Variants in PLCB1 observed in about 807,000 individuals in gnomAD.
The protein encoded by PLCB1 is 1-phosphatidylinositol 4,5-bisphosphate phosphodiesterase beta-1.
A neutral mutation model predicts 161.8 loss-of-function variants in PLCB1; 46 were observed. That is an observed-to-expected ratio of 0.28 (90% CI 0.22 to 0.36). PLCB1 has a LOEUF of 0.36. Ranked by LOEUF, PLCB1 falls within the 10% of genes least tolerant of loss-of-function variation. The probability of loss-of-function intolerance (pLI) is 1.00; values close to 1 mark genes in which losing one functional copy is unlikely to be tolerated. For missense variants in PLCB1, 1,016 were observed against 1,472.5 expected, an observed-to-expected ratio of 0.69 and a Z score of 5.07; for synonymous variants, 517 against 503.7, an observed-to-expected ratio of 1.03 and a Z score of -0.35.
intron 7 of PLCB1, chr20:8,651,820 A>G (rs1051028573): frequency 1.1e-5 from 3 of 278,448 alleles, no homozygotes; most frequent in African/African-American, 6.5e-5. Context: ...CAATGCTCGC[A>G]AATCCCTGAG....
chr20:8,649,627 A>G, intron 7 of PLCB1, 178 bp downstream of exon 7: 3 of 575,520 alleles, frequency 5.2e-6, no homozygotes, highest in Non-Finnish European at 9.4e-6. Flanking sequence ...TGGTGGCTTT[A>G]TAAGAAGAGA....
chr20:8,438,470 G>T (rs970131303), intron 3 of PLCB1, among the ~76,000 whole-genome samples: 1 of 152,150 alleles, frequency 6.6e-6, no homozygotes, highest in Non-Finnish European at 1.5e-5. Flanking sequence ...GCAGACAAAG[G>T]TAAAGACAAG....
intron 25 of PLCB1, 134 bp downstream of exon 25, chr20:8,760,594 G>A: frequency 1.7e-6 from 1 of 595,778 alleles, no homozygotes; most frequent in Admixed American, 3.0e-5. Flanking sequence ...AAAATCTAGA[G>A]ACATACACTT....
intron 3 of PLCB1, among the ~76,000 whole-genome samples, chr20:8,519,328 C>A (rs1404522159): frequency 1.3e-5 from 2 of 151,802 alleles, no homozygotes; most frequent in Non-Finnish European, 2.9e-5. Flanking sequence ...AGCTGGGAGA[C>A]ATTTATGGGA....
rs527350013 is a variant in PLCB1 at position 8,497,554 on chromosome 20, C to T, written c.246+126104C>T. Among the ~76,000 whole-genome samples, 88 of 152,262 alleles carry T rather than the reference C, an allele frequency of 5.8e-4. 3 individuals are homozygous for T. The South Asian group carries it at 0.017, about 29-fold the overall frequency. On this transcript the variant is annotated intron_variant, in intron 3 of 31. Transcript: ENST00000338037. Reference sequence around the variant, plus strand: ...TTTAGTTTGTGAAGGCTGCTCATAACAGTTACAAGCTAATTAATTATAAAA... The same window carrying T: ...TTTAGTTTGTGAAGGCTGCTCATAATAGTTACAAGCTAATTAATTATAAAA...
chr20:8,229,856 C>CATAAAATAAAATAAAATAAA (rs1172390547), intron 2 of PLCB1, among the ~76,000 whole-genome samples: 868 of 35,032 alleles, frequency 0.025, 12 homozygotes, highest in South Asian at 0.16. Context: ...GAGCCCATCT[C>CATAAAATAAAATAAAATAAA]ATAAAATAAA....
chr20:8,610,528 C>T (rs1987877297), intron 3 of PLCB1, among the ~76,000 whole-genome samples: 1 of 152,090 alleles, frequency 6.6e-6, no homozygotes, highest in African/African-American at 2.4e-5. Flanking sequence ...CATATGATGG[C>T]TGTGTTTAAC....
At chr20:8,229,824 A>G (rs1742569110) in intron 2 of PLCB1, among the ~76,000 whole-genome samples, 1 of 150,592 alleles carries the variant, frequency 6.6e-6, no homozygotes, top group South Asian at 2.1e-4. Flanking sequence ...GGAGTTTGAG[A>G]CCAGCCTGGG....
chr20:8,196,664 A>ATAT (rs397786544), intron 2 of PLCB1, among the ~76,000 whole-genome samples: 1 of 149,600 alleles, frequency 6.7e-6, no homozygotes, highest in African/African-American at 2.4e-5. Context: ...ATATATATAT[A>ATAT]AAATATATAT....
intron 3 of PLCB1, among the ~76,000 whole-genome samples, chr20:8,435,515 C>G (rs966611138): frequency 5.9e-5 from 9 of 152,116 alleles, no homozygotes; most frequent in African/African-American, 2.2e-4. Context: ...TGAAGACTTG[C>G]TGAAGTTAGT....
At chr20:8,667,319 C>T (rs564890882) in intron 9 of PLCB1, among the ~76,000 whole-genome samples, 2 of 152,140 alleles carry the variant, frequency 1.3e-5, no homozygotes, top group African/African-American at 2.4e-5. Context: ...ATGGCATTGT[C>T]GTCCCTGAGT....
chr20:8,347,422 A>G (rs1222422991), intron 2 of PLCB1, among the ~76,000 whole-genome samples: 2 of 152,192 alleles, frequency 1.3e-5, no homozygotes, highest in African/African-American at 4.8e-5. Context: ...TGATAAGCAG[A>G]CCTGAAACCA....
chr20:8,457,513 A>G (rs952407494), intron 3 of PLCB1, among the ~76,000 whole-genome samples: 6 of 152,134 alleles, frequency 3.9e-5, no homozygotes, highest in African/African-American at 1.4e-4. Context: ...TCCAGCTTCC[A>G]TCACACTGCT....
chr20:8,381,139 G>GT (rs1220733574), intron 3 of PLCB1, among the ~76,000 whole-genome samples: 2 of 152,172 alleles, frequency 1.3e-5, no homozygotes, highest in Non-Finnish European at 2.9e-5. Context: ...TTTATTGAGA[G>GT]TTTTTAGCAT....
At chr20:8,435,979 A>AG (rs1205257041) in intron 3 of PLCB1, among the ~76,000 whole-genome samples, 6 of 152,108 alleles carry the variant, frequency 3.9e-5, no homozygotes, top group African/African-American at 1.4e-4. Context: ...GATACACTAA[A>AG]ATTCCTCTCC....
chr20:8,375,409 A>G (rs1342447016), intron 3 of PLCB1, among the ~76,000 whole-genome samples: 1 of 152,218 alleles, frequency 6.6e-6, no homozygotes. Context: ...CATCAGATCC[A>G]TTCAGTGGCT....
chr20:8,468,955 A>G (rs566163918), intron 3 of PLCB1, among the ~76,000 whole-genome samples: 1 of 152,224 alleles, frequency 6.6e-6, no homozygotes, highest in South Asian at 2.1e-4. Context: ...GGAAGGGTAC[A>G]TTAGAGTCAC....
At chr20:8,228,420 G>A (rs889568410) in intron 2 of PLCB1, among the ~76,000 whole-genome samples, 1 of 152,028 alleles carries the variant, frequency 6.6e-6, no homozygotes, top group Admixed American at 6.6e-5. Flanking sequence ...TGGATTGCTG[G>A]AATGGCCTCC....
At chr20:8,743,438 T>C (rs2179477) in intron 23 of PLCB1, among the ~76,000 whole-genome samples, 140,210 of 152,196 alleles carry the variant, frequency 0.92, 65,160 homozygotes, top group East Asian at 1. Flanking sequence ...CAGTACCTTG[T>C]TTGTGGTGGG....
Sources: allele counts gnomAD v4.1 joint callset (sites outside exome capture counted in the v4.1 genomes callset), GRCh38; gene constraint gnomAD v4.1.1; transcripts MANE v1.5; gene names NCBI Gene and HGNC (gene_info 2026-07-23, HGNC 2026-07-21).